Variants in MEGF8 observed in about 807,000 individuals in gnomAD.
The protein encoded by MEGF8 is multiple epidermal growth factor-like domains protein 8.
In MEGF8, 156 loss-of-function variants were observed where a neutral mutation model predicts 302.9. The observed-to-expected ratio is 0.52, with a 90% CI of 0.45 to 0.59. The LOEUF is 0.59. Ranked by LOEUF, MEGF8 falls within the 20% of genes least tolerant of loss-of-function variation. MEGF8 has a pLI of 0.00. For synonymous variants in MEGF8, 1,621 were observed against 1,660.5 expected, an observed-to-expected ratio of 0.98 and a Z score of 0.58; for missense variants, 3,345 against 3,964.5, an observed-to-expected ratio of 0.84 and a Z score of 4.20.
At chr19:42,374,668 G>A (rs940280422) in intron 41 of MEGF8, among the ~76,000 whole-genome samples, 7 of 152,154 alleles carry the variant, frequency 4.6e-5, no homozygotes, top group Non-Finnish European at 8.8e-5. Context: ...CACCGTGCAG[G>A]TTGCTGGGGA....
At chr19:42,346,054 C>T (rs1824578243) in intron 12 of MEGF8, among the ~76,000 whole-genome samples, 1 of 152,148 alleles carries the variant, frequency 6.6e-6, no homozygotes, top group Non-Finnish European at 1.5e-5. Context: ...GCACTTGCCA[C>T]CACACTCGGC....
In MEGF8 at chr19:42,354,774, C is replaced by T; in HGVS notation, c.4144+54C>T. ...TTAGTCCTGGGCTATGTATCCCTTG[C>T]CCCTGAACTCACCACCTGAAGTGGG... On this transcript the variant is annotated intron_variant, in intron 23 of 41. Transcript: ENST00000251268. This position sits in a 1 kb window ranked among gnomAD's most constrained non-coding sequence, Gnocchi z 4.3. 1 of 1,533,634 alleles carries T rather than the reference C, an allele frequency of 6.5e-7. No homozygotes were observed.
intron 23 of MEGF8, 145 bp from the exon 24 acceptor site, chr19:42,355,613 T>C: frequency 8.4e-7 from 1 of 1,193,806 alleles, no homozygotes. Context: ...AGGGAGGGGG[T>C]GCAGAATGGT....
At position 42,344,350 on chromosome 19, in the gene MEGF8, T is replaced by A; in HGVS notation, c.1789-91T>A. Reference sequence around the variant, plus strand: ...CCCGTTCTTCAGTTTTTTCGCCCTTTCCATCGCAGGACCCTGTATCCACAG... The same window carrying A: ...CCCGTTCTTCAGTTTTTTCGCCCTTACCATCGCAGGACCCTGTATCCACAG... On this transcript the variant is annotated intron_variant, in intron 10 of 41. Coordinates refer to ENST00000251268, the MANE Select transcript of MEGF8 (RefSeq NM_001271938.2). This position sits in a 1 kb window ranked among gnomAD's most constrained non-coding sequence, Gnocchi z 4.5. The A allele has an allele frequency of 6.7e-7, 1 of 1,485,242 alleles. No individual in the cohort carries two copies. The highest frequency in any genetic ancestry group is 2.2e-5 in the Admixed American group (1 of 44,688). 92.0% of individuals were successfully genotyped at this position (1,485,242 alleles called of 1,614,324 possible).
At chr19:42,340,928 A>G (rs1194297191) in intron 8 of MEGF8, among the ~76,000 whole-genome samples, 1 of 152,034 alleles carries the variant, frequency 6.6e-6, no homozygotes, top group African/African-American at 2.4e-5. Flanking sequence ...TGGGCCTCCC[A>G]AAGTTCTGGG....
chr19:42,360,369 A>T (rs1256990149), intron 31 of MEGF8, among the ~76,000 whole-genome samples: 1 of 134,752 alleles, frequency 7.4e-6, no homozygotes, highest in African/African-American at 2.8e-5. Context: ...TTTTGGAGAC[A>T]TGGTCTTGTT....
intron 41 of MEGF8, 108 bp downstream of exon 41, chr19:42,371,590 C>T: frequency 6.7e-7 from 1 of 1,486,508 alleles, no homozygotes; most frequent in Non-Finnish European, 9.2e-7. Flanking sequence ...GGTTCCAAAT[C>T]AGTGGTTTTG....
rs767893103 is a variant in MEGF8 at position 42,368,931 on chromosome 19, C to T, written c.6570C>T (p.Asn2190=). 5.0e-5 allele frequency: 80 copies of T among 1,613,796 alleles called. No homozygotes were observed. The highest frequency in any genetic ancestry group is 8.9e-5 in the East Asian group (4 of 44,900). ...DECANGHHDC[N]ETQNCHDQPH... is the part of the protein sequence containing the mutation. ...GTGCAAACGGGCACCACGACTGCAA[C>T]GAGACGCAGAATTGCCACGACCAGC... The change falls in exon 37 of 42, where the codon AAC becomes AAT. Residue 2190 remains asparagine, a synonymous_variant. Coordinates refer to ENST00000251268, the MANE Select transcript of MEGF8 (RefSeq NM_001271938.2). This position sits in a 1 kb window ranked among gnomAD's most constrained non-coding sequence, Gnocchi z 4.9.
chr19:42,348,703 A>G (rs1176813284), intron 13 of MEGF8, among the ~76,000 whole-genome samples: 1 of 152,076 alleles, frequency 6.6e-6, no homozygotes, highest in South Asian at 2.1e-4. Flanking sequence ...AGGTTCAAGC[A>G]ATTCTTCTGC....
At position 42,358,085 on chromosome 19, in the gene MEGF8, C is replaced by A; in HGVS notation, c.5012-59C>A. 7.0e-7 allele frequency: 1 copy of A among 1,419,782 alleles called. No homozygotes were observed. The highest frequency in any genetic ancestry group is 9.2e-7 in the Non-Finnish European group (1 of 1,083,962). 87.9% of individuals were successfully genotyped at this position (1,419,782 alleles called of 1,614,324 possible). A position where few individuals can be genotyped will look rare whatever the true frequency, so the allele number is the denominator to read the frequency against. The stretch of plus-strand genomic sequence containing the variant: ...GTCACCGAACAGGGGACCGGGAGGT[C>A]GGCGGGGTCAGTGCTGTTGTCAGCC... On this transcript the variant is annotated intron_variant, in intron 28 of 41. Transcript: ENST00000251268. This position sits in a 1 kb window ranked among gnomAD's most constrained non-coding sequence, Gnocchi z 4.4.
chr19:42,376,995 G>T lies in MEGF8; in HGVS notation c.*220G>T. 2.1e-6 allele frequency: 1 copy of T among 470,706 alleles called. No homozygotes were observed. Among genetic ancestry groups the T allele is most frequent in the Non-Finnish European group, 3.6e-6 (1 of 278,334 alleles). The allele number at this position is 470,706 out of a possible 1,614,324, so 29.2% of individuals were successfully genotyped here. ...CTGTCATAGGCGTGGGGCAAAGCAG[G>T]AACCAAGAGACGAGGTTCCCTGATC... On this transcript the variant is annotated 3_prime_UTR_variant, in exon 42 of 42. Transcript: ENST00000251268. This position sits in a 1 kb window ranked among gnomAD's most constrained non-coding sequence, Gnocchi z 8.2.
At position 42,350,249 on chromosome 19, in the gene MEGF8, G is replaced by A. The variant is rs761036108; in HGVS notation, c.2601G>A (p.Leu867=). The A allele has an allele frequency of 1.9e-6, 3 of 1,612,392 alleles. No homozygotes were observed. In the African/African-American group the frequency reaches 4.0e-5, roughly 22 times the overall value. ...CAGACCAGGGCTGTGGCTGGTGCCT[G>A]ACCAGTGCCACCTGCCACCTGCGCC... ...CLADQGCGWC[L]TSATCHLRQG... Residue 867 remains leucine, a synonymous_variant, in exon 15 of 42, where the codon CTG becomes CTA. Transcript: ENST00000251268.
chr19:42,376,474 C>A lies in MEGF8; in HGVS notation c.8237C>A (p.Pro2746His). Residue 2746 changes from proline (P) to histidine (H), a missense_variant, in exon 42 of 42, where the codon CCC becomes CAC. Transcript: ENST00000251268. The surrounding 1 kb of genome is among the most constrained non-coding windows in gnomAD (Gnocchi z 8.2). ...ACAGGGGCCGGTGGGCCCTGGGGAC[C>A]CATGGGAGGGGGCTGCTGCCCACCA... The part of the protein sequence containing the change: ...LLTGAGGPWG[P>H]MGGGCCPPAI... 1 of 1,605,374 alleles carries A rather than the reference C, an allele frequency of 6.2e-7. No individual in the cohort carries two copies. Among genetic ancestry groups the A allele is most frequent in the Non-Finnish European group, 8.5e-7 (1 of 1,177,574 alleles).
chr19:42,325,967 T>TA lies in MEGF8; in HGVS notation c.-276dup, dbSNP rs1200152203. Reference sequence around the variant, plus strand: ...GGCCCCCTATGGAGCCCTGTGTCTATAGGGGACTCCTACGGTCCCTAGGGT... The same window carrying TA: ...GGCCCCCTATGGAGCCCTGTGTCTATAAGGGGACTCCTACGGTCCCTAGGGT... On this transcript the variant is annotated 5_prime_UTR_variant, in exon 1 of 42. It removes the in-frame stop codon of an upstream open reading frame in the 5' UTR. Transcript: ENST00000251268. The TA allele has an allele frequency of 1.0e-5, 4 of 398,900 alleles. No homozygotes were observed. Among genetic ancestry groups the TA allele is most frequent in the Non-Finnish European group, 1.8e-5 (4 of 228,288 alleles). The allele number at this position is 398,900 out of a possible 1,614,324, so 24.7% of individuals were successfully genotyped here. A position where few individuals can be genotyped will look rare whatever the true frequency, so the allele number is the denominator to read the frequency against.
chr19:42,326,651 G>A (rs891061560), intron 1 of MEGF8, among the ~76,000 whole-genome samples: 13 of 151,968 alleles, frequency 8.6e-5, no homozygotes, highest in African/African-American at 2.7e-4. Flanking sequence ...CAAGACAGGA[G>A]CATCAGTGCC....
intron 34 of MEGF8, 86 bp from the exon 35 acceptor site, chr19:42,362,962 G>A (rs2039554546): frequency 4.3e-6 from 5 of 1,165,540 alleles, no homozygotes; most frequent in South Asian, 2.9e-5. Context: ...GGAGGGGCTG[G>A]GCCTGAGCTC....
rs2039632498 is a variant in MEGF8, at chr19:42,368,044, A to G, written c.6274-411A>G. On this transcript the variant is annotated intron_variant, in intron 35 of 41. Coordinates refer to ENST00000251268, the MANE Select transcript of MEGF8 (RefSeq NM_001271938.2). The surrounding 1 kb of genome is among the most constrained non-coding windows in gnomAD (Gnocchi z 4.9). ...TCAAAAAATCCTACCTCAGCCCCCC[A>G]GGTAGCTGGGTCTACAGATGTGTGC... is the stretch of plus-strand genomic sequence containing the variant. Among the ~76,000 whole-genome samples, 1 of 152,056 alleles carries G rather than the reference A, an allele frequency of 6.6e-6. No individual in the cohort carries two copies. The highest frequency in any genetic ancestry group is 6.6e-5 in the Admixed American group (1 of 15,262).
At position 42,336,823 on chromosome 19, in the gene MEGF8, A is replaced by G; in HGVS notation, c.1261A>G (p.Asn421Asp). Residue 421 changes from asparagine to aspartate, a missense_variant, in exon 7 of 42, where the codon AAC (asparagine) becomes GAC (aspartate). By Grantham distance (23) the Asn-to-Asp change is conservative (BLOSUM62 1). Coordinates refer to ENST00000251268, the MANE Select transcript of MEGF8 (RefSeq NM_001271938.2). This position sits in a 1 kb window ranked among gnomAD's most constrained non-coding sequence, Gnocchi z 4.8. ...CTTCGGTAGGTTCTCTGTGCGAGTG[A>G]ACTCCACTGAGCTTTTCCACGTGGA... ...PSTARFSVRV[N>D]STELFHVDRH... 1 of 1,598,680 alleles carries G rather than the reference A, an allele frequency of 6.3e-7. No individual in the cohort carries two copies. Among genetic ancestry groups the G allele is most frequent in the Non-Finnish European group, 8.5e-7 (1 of 1,172,016 alleles).
At chr19:42,371,818 C>T (rs899488311) in intron 41 of MEGF8, among the ~76,000 whole-genome samples, 1 of 152,060 alleles carries the variant, frequency 6.6e-6, no homozygotes, top group Admixed American at 6.6e-5. Context: ...CATGGTTGCT[C>T]ATGTCTGTAA....
Sources: allele counts gnomAD v4.1 joint callset (sites outside exome capture counted in the v4.1 genomes callset), GRCh38; gene constraint gnomAD v4.1.1; non-coding constraint Gnocchi (gnomAD v3.1); transcripts MANE v1.5; gene names NCBI Gene and HGNC (gene_info 2026-07-23, HGNC 2026-07-21).